PLG: variants seen among roughly 807,000 people sequenced by gnomAD.
PLG encodes the protein plasminogen, also known as plasmin.
A neutral mutation model predicts 104.4 loss-of-function variants in PLG; 41 were observed. The observed-to-expected ratio is 0.39, with a 90% CI of 0.31 to 0.51. The LOEUF (loss-of-function observed/expected upper bound fraction) is 0.51. Among genes scored for constraint, PLG ranks in the 20% least tolerant of loss-of-function variants. PLG has a pLI of 0.76. For synonymous variants in PLG, 337 were observed against 357.1 expected (o/e 0.94, Z 0.63); for missense variants, 891 against 1,003.6 (o/e 0.89, Z 1.52).
chr6:160,708,554 G>A (rs1290704256), intron 3 of PLG: 1 of 152,208 alleles, frequency 6.6e-6, no homozygotes, highest in Admixed American at 6.5e-5. Context: ...TTGAAGGGAT[G>A]CATGACACTT....
At chr6:160,706,046 T>G in intron 1 of PLG, 1 of 266,790 alleles carries the variant, frequency 3.7e-6, no homozygotes, top group Non-Finnish European at 7.3e-6. Flanking sequence ...CAGGGGTACA[T>G]GTGCAGGTGT....
chr6:160,706,036 CA>C lies in PLG; in HGVS notation c.50-370del, dbSNP rs1437648351. On this transcript the variant is annotated intron_variant, in intron 1 of 18. Coordinates refer to ENST00000308192, the MANE Select transcript of PLG (RefSeq NM_000301.5). ...GTTTTATAATTTCAACTTTTAGAGT[CA>C]GGGGTACATGTGCAGGTGTGTTACA... The C allele has an allele frequency of 4.6e-5, 11 of 240,260 alleles. 1 individual carries two copies. In the East Asian group the frequency reaches 9.6e-4, roughly 21 times the overall value. The allele number at this position is 240,260 out of a possible 1,614,324, so 14.9% of individuals were successfully genotyped here.
rs975053215 is a variant in PLG, at chr6:160,734,770, G to A, written c.1681+682G>A. Among the ~76,000 whole-genome samples the A allele has an allele frequency of 2.0e-5, 3 of 150,302 alleles. No homozygotes were observed. Among genetic ancestry groups the A allele is most frequent in the East Asian group, 3.9e-4 (2 of 5,160 alleles). Reference sequence around the variant, plus strand: ...GAAAAAAAAAAAAAAAAAAAGAAAGGAAGCTACTTGGAATTGTCCCATATT... The same window carrying A: ...GAAAAAAAAAAAAAAAAAAAGAAAGAAAGCTACTTGGAATTGTCCCATATT... On this transcript the variant is annotated intron_variant, in intron 13 of 18. Coordinates refer to ENST00000308192, the MANE Select transcript of PLG (RefSeq NM_000301.5). This position sits in a 1 kb window ranked among gnomAD's most constrained non-coding sequence, Gnocchi z 4.4.
At chr6:160,749,990 C>T (rs1050654326) in intron 17 of PLG, among the ~76,000 whole-genome samples, 3 of 152,192 alleles carry the variant, frequency 2.0e-5, no homozygotes, top group African/African-American at 7.2e-5. Context: ...AGCCCACTCA[C>T]TGTTTCTTCA....
At position 160,737,233 on chromosome 6, in the gene PLG, G is replaced by A. The variant is rs558571083; in HGVS notation, c.1802+226G>A. Among the ~76,000 whole-genome samples the A allele has an allele frequency of 6.6e-6, 1 of 152,126 alleles. No homozygotes were observed. Among genetic ancestry groups the A allele is most frequent in the African/African-American group, 2.4e-5 (1 of 41,488 alleles). ...AATTGCTGTCTTTTTCTTGATCTGG[G>A]CAGCTCCATCAAAATCTGTAGGCAC... On this transcript the variant is annotated intron_variant, in intron 14 of 18. Transcript: ENST00000308192. The surrounding 1 kb of genome is among the most constrained non-coding windows in gnomAD (Gnocchi z 4.7).
rs925333983 is a variant in PLG at position 160,753,358 on chromosome 6, C to A, written c.*297C>A. The A allele has an allele frequency of 2.3e-5, 10 of 432,536 alleles. No homozygotes were observed. Among genetic ancestry groups the A allele is most frequent in the African/African-American group, 1.4e-4 (7 of 49,576 alleles). 26.8% of individuals were successfully genotyped at this position (432,536 alleles called of 1,614,324 possible). A position where few individuals can be genotyped will look rare whatever the true frequency, so the allele number is the denominator to read the frequency against. On this transcript the variant is annotated 3_prime_UTR_variant, in exon 19 of 19. Transcript: ENST00000308192. This position sits in a 1 kb window ranked among gnomAD's most constrained non-coding sequence, Gnocchi z 5.4. ...TTCACCCCACCAATTTTTAAATGGG[C>A]AGATGGGGGGATTTAGCTGCTTTTG...
chr6:160,714,596 G>T (rs1033362822), intron 5 of PLG, among the ~76,000 whole-genome samples, 198 bp from the exon 6 acceptor site: 2 of 152,158 alleles, frequency 1.3e-5, no homozygotes, highest in Non-Finnish European at 2.9e-5. Context: ...CGGTTTAAAA[G>T]GAAAATGACA....
rs1778161688 is a variant in PLG at position 160,740,014 on chromosome 6, G to A, written c.2018+806G>A. Reference sequence around the variant, plus strand: ...AGCTAAGAAACAGCTATTTGTAGGAGAAGCAGGTTTGGGACAGGTGACAAG... The same window carrying A: ...AGCTAAGAAACAGCTATTTGTAGGAAAAGCAGGTTTGGGACAGGTGACAAG... On this transcript the variant is annotated intron_variant, in intron 16 of 18. Coordinates refer to ENST00000308192, the MANE Select transcript of PLG (RefSeq NM_000301.5). The surrounding 1 kb of genome is among the most constrained non-coding windows in gnomAD (Gnocchi z 5.2). Among the ~76,000 whole-genome samples, 1 of 152,202 alleles carries A rather than the reference G, an allele frequency of 6.6e-6. No individual in the cohort carries two copies. Among genetic ancestry groups the A allele is most frequent in the East Asian group, 1.9e-4 (1 of 5,196 alleles).
At chr6:160,709,214 T>C (rs1249362379) in intron 3 of PLG, among the ~76,000 whole-genome samples, 1 of 151,944 alleles carries the variant, frequency 6.6e-6, no homozygotes, top group South Asian at 2.1e-4. Context: ...CATTTTTTGG[T>C]CCTTGTTTCT....
In PLG at chr6:160,738,709, C is replaced by CT; in HGVS notation, c.1877+99dup. On this transcript the variant is annotated intron_variant, in intron 15 of 18. Coordinates refer to ENST00000308192, the MANE Select transcript of PLG (RefSeq NM_000301.5). The surrounding 1 kb of genome is among the most constrained non-coding windows in gnomAD (Gnocchi z 6.8). ...TCCTTTCCTTTCTCACTCTTCCTCC[C>CT]TTCCTTCTCTGGCTGTGACACTAGG... The CT allele has an allele frequency of 1.1e-6, 1 of 882,716 alleles. No homozygotes were observed. The highest frequency in any genetic ancestry group is 1.9e-6 in the Non-Finnish European group (1 of 519,978). The allele number at this position is 882,716 out of a possible 1,614,324, so 54.7% of individuals were successfully genotyped here.
chr6:160,745,581 G>A (rs990757894), intron 17 of PLG, among the ~76,000 whole-genome samples: 1 of 152,170 alleles, frequency 6.6e-6, no homozygotes, highest in Non-Finnish European at 1.5e-5. Context: ...TAGCATACCA[G>A]TGGGTCTTGC....
Position 160,744,150 on chromosome 6 carries a change from G to T in PLG, c.2125+2733G>T, listed in dbSNP as rs1179525455. On this transcript the variant is annotated intron_variant, in intron 17 of 18. Coordinates refer to ENST00000308192, the MANE Select transcript of PLG (RefSeq NM_000301.5). The surrounding 1 kb of genome is among the most constrained non-coding windows in gnomAD (Gnocchi z 4.5). ...GTTTTTGTGTCTCTGCCAGGTTTTG[G>T]TATCAGGATGATGCTGACCTCATAG... is the stretch of plus-strand genomic sequence containing the variant. Among the ~76,000 whole-genome samples, 5 of 152,150 alleles carry T rather than the reference G, an allele frequency of 3.3e-5. No individual in the cohort carries two copies. Among genetic ancestry groups the T allele is most frequent in the African/African-American group, 4.8e-5 (2 of 41,426 alleles).
chr6:160,707,261 C>T lies in PLG; in HGVS notation c.186-439C>T, dbSNP rs148432914. Among the ~76,000 whole-genome samples the T allele has an allele frequency of 6.7e-4, 101 of 151,838 alleles. No individual in the cohort carries two copies. The East Asian group carries it at 0.013, about 20-fold the overall frequency. ...AGACTGAGCACCCATAGCAGGACCA[C>T]GGGATGGAGATGGGAGGGGTCAGGG... is the stretch of plus-strand genomic sequence containing the variant. On this transcript the variant is annotated intron_variant, in intron 2 of 18. Transcript: ENST00000308192.
Position 160,714,809 on chromosome 6 carries a change from G to C in PLG, c.563G>C (p.Cys188Ser). ...ILECEEECMH[C>S]SGENYDGKIS... is the part of the protein sequence containing the mutation. ...CTCTGTCCAGAGGAATGTATGCATT[G>C]CAGTGGAGAAAACTATGACGGCAAA... Residue 188 changes from cysteine (C) to serine (S), a missense_variant, in exon 6 of 19, where the codon TGC becomes TCC. This residue lies in a region of PLG where 854 missense variants were observed against 932.1 expected (regional missense o/e 0.92). Transcript: ENST00000308192. 6.2e-7 allele frequency: 1 copy of C among 1,613,612 alleles called. No individual in the cohort carries two copies. The highest frequency in any genetic ancestry group is 8.5e-7 in the Non-Finnish European group (1 of 1,179,580).
Position 160,752,303 on chromosome 6 carries a change from T to C in PLG, c.2271+43T>C. On this transcript the variant is annotated intron_variant, in intron 18 of 18. Transcript: ENST00000308192. The surrounding 1 kb of genome is among the most constrained non-coding windows in gnomAD (Gnocchi z 4.7). Reference sequence around the variant, plus strand: ...GACCAAAGTTAGTCTTGTGCTCTCTTGTCTCAGTCTCAGCCCCTCAGACTT... The same window carrying C: ...GACCAAAGTTAGTCTTGTGCTCTCTCGTCTCAGTCTCAGCCCCTCAGACTT... 1 of 1,586,342 alleles carries C rather than the reference T, an allele frequency of 6.3e-7. No individual in the cohort carries two copies. The highest frequency in any genetic ancestry group is 8.7e-7 in the Non-Finnish European group (1 of 1,154,950).
intron 1 of PLG, among the ~76,000 whole-genome samples, chr6:160,704,437 C>CA (rs2115147855): frequency 6.6e-6 from 1 of 152,162 alleles, no homozygotes; most frequent in South Asian, 2.1e-4. Flanking sequence ...TGCTATACTT[C>CA]AAAAAAACTC....
At position 160,714,926 on chromosome 6, in the gene PLG, T is replaced by C; in HGVS notation, c.668+12T>C. On this transcript the variant is annotated intron_variant, in intron 6 of 18. Coordinates refer to ENST00000308192, the MANE Select transcript of PLG (RefSeq NM_000301.5). Reference sequence around the variant, plus strand: ...TACATTCCTTCCAAGTAAGTCTCACTGGGAAAAACATTCCATGTTTAATTA... The same window carrying C: ...TACATTCCTTCCAAGTAAGTCTCACCGGGAAAAACATTCCATGTTTAATTA... The C allele has an allele frequency of 6.2e-7, 1 of 1,612,936 alleles. No individual in the cohort carries two copies. The highest frequency in any genetic ancestry group is 8.5e-7 in the Non-Finnish European group (1 of 1,179,064).
rs1287401695 is a variant in PLG at position 160,736,533 on chromosome 6, C to T, written c.1682-354C>T. Among the ~76,000 whole-genome samples, 1 of 152,158 alleles carries T rather than the reference C, an allele frequency of 6.6e-6. No individual in the cohort carries two copies. Among genetic ancestry groups the T allele is most frequent in the Non-Finnish European group, 1.5e-5 (1 of 68,028 alleles). ...ATGATGATGATTATGGGAAGGATGG[C>T]ATCATGTTCTAAACATACTGCATGG... On this transcript the variant is annotated intron_variant, in intron 13 of 18. Coordinates refer to ENST00000308192, the MANE Select transcript of PLG (RefSeq NM_000301.5). The surrounding 1 kb of genome is among the most constrained non-coding windows in gnomAD (Gnocchi z 5.2).
chr6:160,748,860 C>T (rs1021384012), intron 17 of PLG, among the ~76,000 whole-genome samples: 3 of 152,188 alleles, frequency 2.0e-5, no homozygotes, highest in Non-Finnish European at 4.4e-5. Flanking sequence ...CTCCCCATTA[C>T]ACAAACAATA....
Sources: allele counts gnomAD v4.1 joint callset (sites outside exome capture counted in the v4.1 genomes callset), GRCh38; gene constraint gnomAD v4.1.1; regional missense constraint gnomAD v4.1.1; non-coding constraint Gnocchi (gnomAD v3.1); transcripts MANE v1.5; gene names NCBI Gene and HGNC (gene_info 2026-07-23, HGNC 2026-07-21).